GALNT13: variants seen among roughly 807,000 people sequenced by gnomAD.
The protein encoded by GALNT13 is UDP-GalNAc:polypeptide N-acetylgalactosaminyltransferase 13.
Under a neutral mutation model 64.2 loss-of-function variants are expected in GALNT13, and 28 were observed. The ratio of observed to expected loss-of-function variants is 0.44; its 90% confidence interval spans 0.32 to 0.60. GALNT13 has a LOEUF of 0.60. Ranked by LOEUF, GALNT13 falls within the 20% of genes least tolerant of loss-of-function variation. The pLI is 0.05. For synonymous variants in GALNT13, 214 were observed against 224.6 expected (o/e 0.95, Z 0.42); for missense variants, 577 against 669.8 (o/e 0.86, Z 1.53).
the GALNT13 span, among the ~76,000 whole-genome samples, chr2:153,081,576 G>T: frequency 3.9e-5 from 6 of 152,064 alleles, no homozygotes; most frequent in Admixed American, 6.6e-5. Flanking sequence ...GAGTTCAAAG[G>T]TTCTGAGCTT....
At chr2:154,226,762 G>T (rs1305191162) in intron 4 of GALNT13, among the ~76,000 whole-genome samples, 1 of 152,046 alleles carries the variant, frequency 6.6e-6, no homozygotes, top group Non-Finnish European at 1.5e-5. Flanking sequence ...AATATAACAA[G>T]TAGTATTTAA....
chr2:153,597,131 T>C, the GALNT13 span, among the ~76,000 whole-genome samples: 1 of 152,134 alleles, frequency 6.6e-6, no homozygotes, highest in Non-Finnish European at 1.5e-5. Flanking sequence ...CTGGCCTCCT[T>C]TGCTTTTCCC....
intron 9 of GALNT13, among the ~76,000 whole-genome samples, chr2:154,324,325 T>C (rs1037000111): frequency 1.8e-4 from 27 of 152,126 alleles, no homozygotes; most frequent in African/African-American, 6.5e-4. Flanking sequence ...TTTCTAATAA[T>C]TTTAAAATTA....
intron 3 of GALNT13, among the ~76,000 whole-genome samples, chr2:154,105,750 C>T (rs1435941075): frequency 1.3e-5 from 2 of 152,136 alleles, no homozygotes; most frequent in East Asian, 3.9e-4. Flanking sequence ...ATAGAAATGT[C>T]CTAAGACTTA....
chr2:154,369,211 A>G (rs186318695), intron 9 of GALNT13, among the ~76,000 whole-genome samples: 60 of 152,194 alleles, frequency 3.9e-4, no homozygotes, highest in African/African-American at 1.4e-3. Flanking sequence ...AGTATCTCGT[A>G]TTTCCAAGGT....
chr2:153,508,998 C>G, the GALNT13 span, among the ~76,000 whole-genome samples: 3 of 152,186 alleles, frequency 2.0e-5, no homozygotes, highest in African/African-American at 7.2e-5. Flanking sequence ...TGTCCTTCCC[C>G]AAGAGATTGG....
chr2:154,035,461 C>T (rs895747118), intron 3 of GALNT13, among the ~76,000 whole-genome samples: 2 of 151,988 alleles, frequency 1.3e-5, no homozygotes, highest in African/African-American at 4.8e-5. Flanking sequence ...GTTTCTCCAT[C>T]ACAGAATATA....
At chr2:153,382,179 A>G in the GALNT13 span, among the ~76,000 whole-genome samples, 1 of 152,036 alleles carries the variant, frequency 6.6e-6, no homozygotes, top group Non-Finnish European at 1.5e-5. Context: ...TCTTTATGTT[A>G]TCTATCTGCT....
At chr2:154,423,070 AC>A (rs1700323755) in intron 11 of GALNT13, among the ~76,000 whole-genome samples, 1 of 71,400 alleles carries the variant, frequency 1.4e-5, no homozygotes, top group African/African-American at 5.6e-5. Context: ...CCCTCCCCCC[AC>A]CCCACAACAG....
the GALNT13 span, among the ~76,000 whole-genome samples, chr2:153,356,363 T>C: frequency 1.3e-5 from 2 of 152,318 alleles, no homozygotes; most frequent in Non-Finnish European, 1.5e-5. Flanking sequence ...TCTGGAAAAG[T>C]CTTTGAATGG....
chr2:153,231,503 C>G, the GALNT13 span, among the ~76,000 whole-genome samples: 3 of 152,262 alleles, frequency 2.0e-5, no homozygotes, highest in Non-Finnish European at 4.4e-5. Flanking sequence ...ATATAATTTA[C>G]AGAAAGTTTA....
chr2:153,633,384 A>T, the GALNT13 span, among the ~76,000 whole-genome samples: 3 of 152,098 alleles, frequency 2.0e-5, no homozygotes, highest in African/African-American at 7.2e-5. Flanking sequence ...CCAAGTAGTC[A>T]TTTTTTTCCC....
At chr2:153,250,006 GCA>G in the GALNT13 span, among the ~76,000 whole-genome samples, 1 of 152,070 alleles carries the variant, frequency 6.6e-6, no homozygotes, top group African/African-American at 2.4e-5. Context: ...AACACAAAAA[GCA>G]ACTGCAACAG....
the GALNT13 span, among the ~76,000 whole-genome samples, chr2:153,840,185 G>A: frequency 6.6e-6 from 1 of 152,062 alleles, no homozygotes; most frequent in African/African-American, 2.4e-5. Flanking sequence ...ATAGTTCAGT[G>A]TAAAATTCTT....
chr2:153,264,711 A>C, the GALNT13 span, among the ~76,000 whole-genome samples: 1 of 152,232 alleles, frequency 6.6e-6, no homozygotes, highest in African/African-American at 2.4e-5. Flanking sequence ...CAAAAACCAA[A>C]CACTGCTTGT....
chr2:154,047,360 T>C (rs536157659), intron 3 of GALNT13, among the ~76,000 whole-genome samples: 8 of 152,322 alleles, frequency 5.3e-5, no homozygotes, highest in South Asian at 2.1e-4. Flanking sequence ...TTAAGTATGA[T>C]GCTTTTTAAA....
At chr2:153,305,614 C>T in the GALNT13 span, among the ~76,000 whole-genome samples, 1 of 151,794 alleles carries the variant, frequency 6.6e-6, no homozygotes, top group Non-Finnish European at 1.5e-5. Context: ...GGTTGTAAAC[C>T]CTGGATAGAC....
chr2:153,283,548 A>G, the GALNT13 span, among the ~76,000 whole-genome samples: 1 of 152,128 alleles, frequency 6.6e-6, no homozygotes, highest in Non-Finnish European at 1.5e-5. Flanking sequence ...GATTCAAGTT[A>G]GTGGGTGCTC....
chr2:153,947,002 T>C (rs888444614), intron 3 of GALNT13, among the ~76,000 whole-genome samples: 1 of 152,078 alleles, frequency 6.6e-6, no homozygotes, highest in African/African-American at 2.4e-5. Flanking sequence ...CAGGCTTTTT[T>C]ACTTAAAAAA....
Sources: gnomAD v4.1 joint callset for allele counts (sites outside exome capture counted in the v4.1 genomes callset) on GRCh38, gnomAD v4.1.1 for gene constraint, MANE v1.5 for transcripts, NCBI Gene and HGNC (gene_info 2026-07-23, HGNC 2026-07-21) for gene names.